ACOXL: variants seen among roughly 807,000 people sequenced by gnomAD.
The protein encoded by ACOXL is acyl-CoA oxidase like, also known as acyl-coenzyme A oxidase-like protein.
A neutral mutation model predicts 71.9 loss-of-function variants in ACOXL; 70 were observed. That is an observed-to-expected ratio of 0.97 (90% confidence interval 0.80 to 1.19). The LOEUF (loss-of-function observed/expected upper bound fraction) is 1.19. Ranked by LOEUF, ACOXL falls within the 50% of genes most tolerant of loss-of-function variation. The pLI, the probability that ACOXL is intolerant of heterozygous loss-of-function variation, is 0.00. For synonymous variants in ACOXL, 253 were observed against 281.6 expected, an observed-to-expected ratio of 0.90 and a Z score of 1.02; for missense variants, 703 against 736.3, an observed-to-expected ratio of 0.95 and a Z score of 0.52.
chr2:110,764,441 T>A (rs1335083439), intron 1 of ACOXL, among the ~76,000 whole-genome samples: 1 of 152,184 alleles, frequency 6.6e-6, no homozygotes, highest in Admixed American at 6.5e-5. Context: ...TTATTTCAAC[T>A]GTGTGACATC....
intron 14 of ACOXL, among the ~76,000 whole-genome samples, chr2:111,008,997 C>G (rs1406496825): frequency 6.6e-6 from 1 of 152,138 alleles, no homozygotes; most frequent in Non-Finnish European, 1.5e-5. Flanking sequence ...GAATTGTAGC[C>G]TTTTGTCATA....
chr2:110,840,872 G>A (rs1050679081), intron 9 of ACOXL, among the ~76,000 whole-genome samples: 15 of 152,198 alleles, frequency 9.9e-5, no homozygotes, highest in African/African-American at 3.6e-4. Flanking sequence ...GTGATGATCC[G>A]CATAGGGAGA....
intron 14 of ACOXL, among the ~76,000 whole-genome samples, chr2:111,001,478 A>G (rs1468664004): frequency 6.6e-6 from 1 of 152,244 alleles, no homozygotes; most frequent in Non-Finnish European, 1.5e-5. Flanking sequence ...AGAGGGAAGA[A>G]GCAAGAACCC....
At chr2:110,918,634 C>T (rs974181742) in intron 11 of ACOXL, among the ~76,000 whole-genome samples, 1 of 152,138 alleles carries the variant, frequency 6.6e-6, no homozygotes, top group Non-Finnish European at 1.5e-5. Flanking sequence ...TAATGAGAGA[C>T]AATTTTTGCA....
chr2:110,914,961 G>C (rs1224820976), intron 11 of ACOXL, among the ~76,000 whole-genome samples: 1 of 152,084 alleles, frequency 6.6e-6, no homozygotes, highest in Admixed American at 6.5e-5. Context: ...AGAGAATAGA[G>C]TATCCATCCC....
chr2:110,765,877 T>C (rs975727510), intron 1 of ACOXL, among the ~76,000 whole-genome samples: 3 of 152,220 alleles, frequency 2.0e-5, no homozygotes, highest in African/African-American at 7.2e-5. Flanking sequence ...ACCATAGCAA[T>C]CTGTCATCAA....
chr2:110,790,936 A>G (rs577950565), intron 3 of ACOXL, among the ~76,000 whole-genome samples: 1 of 151,978 alleles, frequency 6.6e-6, no homozygotes, highest in Non-Finnish European at 1.5e-5. Context: ...TCTCCTCCCA[A>G]ATCCATCCCA....
chr2:110,870,962 A>G (rs1695201947), intron 10 of ACOXL, among the ~76,000 whole-genome samples: 1 of 152,168 alleles, frequency 6.6e-6, no homozygotes, highest in Non-Finnish European at 1.5e-5. Context: ...CCCCTGACTC[A>G]TGGCTTAAAT....
chr2:111,053,916 C>T (rs959068855), intron 16 of ACOXL, among the ~76,000 whole-genome samples: 3 of 152,212 alleles, frequency 2.0e-5, no homozygotes, highest in Admixed American at 6.5e-5. Flanking sequence ...GTAAATGCTT[C>T]TGACCAGGTC....
At chr2:111,014,551 G>A (rs2149683144) in intron 14 of ACOXL, among the ~76,000 whole-genome samples, 1 of 152,302 alleles carries the variant, frequency 6.6e-6, no homozygotes, top group African/African-American at 2.4e-5. Context: ...TCATCCTCCT[G>A]AAATTAGCCT....
At chr2:110,998,221 C>T (rs1310400278) in intron 14 of ACOXL, among the ~76,000 whole-genome samples, 2 of 152,072 alleles carry the variant, frequency 1.3e-5, no homozygotes, top group Non-Finnish European at 2.9e-5. Context: ...AGCAAAAGAC[C>T]TTGTTTTGTT....
intron 8 of ACOXL, among the ~76,000 whole-genome samples, chr2:110,804,759 A>G (rs1327884741): frequency 6.6e-6 from 1 of 151,764 alleles, no homozygotes; most frequent in Non-Finnish European, 1.5e-5. Context: ...GATTCCATCT[A>G]TGTGAATTTT....
intron 11 of ACOXL, among the ~76,000 whole-genome samples, chr2:110,912,877 T>C (rs534441345): frequency 1.3e-5 from 2 of 152,210 alleles, no homozygotes; most frequent in Non-Finnish European, 2.9e-5. Context: ...TCTGGACTTG[T>C]ATCTAGAACA....
chr2:111,093,076 A>G (rs2068620217), intron 17 of ACOXL, 110 bp downstream of exon 17: 2 of 831,620 alleles, frequency 2.4e-6, no homozygotes, highest in Middle Eastern at 2.3e-4. Context: ...ATGGATTTTT[A>G]TGCCTCTGGG....
At chr2:110,921,391 C>T (rs916668350) in intron 11 of ACOXL, among the ~76,000 whole-genome samples, 9 of 113,434 alleles carry the variant, frequency 7.9e-5, no homozygotes, top group African/African-American at 3.3e-4. Flanking sequence ...TATATCCACC[C>T]CCCCCCCCCT....
chr2:111,111,349 C>T (rs1200718460), intron 17 of ACOXL, among the ~76,000 whole-genome samples: 1 of 152,118 alleles, frequency 6.6e-6, no homozygotes, highest in Non-Finnish European at 1.5e-5. Flanking sequence ...ATCCACCCAC[C>T]TCGGCCTCCC....
intron 11 of ACOXL, among the ~76,000 whole-genome samples, chr2:110,923,943 A>T (rs2060175711): frequency 6.6e-6 from 1 of 152,124 alleles, no homozygotes; most frequent in Non-Finnish European, 1.5e-5. Context: ...TCTCAAAAAA[A>T]AAAAAAGAGA....
At chr2:111,070,938 C>A (rs956941862) in intron 16 of ACOXL, among the ~76,000 whole-genome samples, 1 of 152,110 alleles carries the variant, frequency 6.6e-6, no homozygotes. Flanking sequence ...GCTCCCCAAC[C>A]TCAGGAAGAG....
chr2:111,004,116 C>G lies in ACOXL; in HGVS notation c.1281+8112C>G, dbSNP rs149269879. 3.2e-3 allele frequency among the ~76,000 whole-genome samples: 491 copies of G among 152,288 alleles called. 4 individuals carry two copies. Among genetic ancestry groups the G allele is most frequent in the African/African-American group, 0.011 (474 of 41,562 alleles). ...ACCCAAACAGAGTCTGGGCAATAGT[C>G]TTTGGACAGTGTCCAAGAGAGGGTG... On this transcript the variant is annotated intron_variant, in intron 14 of 17. Transcript: ENST00000439055.
Sources: gnomAD v4.1 joint callset for allele counts (sites outside exome capture counted in the v4.1 genomes callset) on GRCh38, gnomAD v4.1.1 for gene constraint, MANE v1.5 for transcripts, NCBI Gene and HGNC (gene_info 2026-07-23, HGNC 2026-07-21) for gene names.